Variants in RGS20 observed in about 807,000 individuals in gnomAD.
RGS20 encodes gz-selective GTPase-activating protein.
Under a neutral mutation model 33.6 loss-of-function variants are expected in RGS20, and 30 were observed. The ratio of observed to expected loss-of-function variants is 0.89; its 90% CI spans 0.67 to 1.21. The LOEUF is 1.21. Ranked by LOEUF, RGS20 falls within the 50% of genes most tolerant of loss-of-function variation. The pLI is 0.00. For synonymous variants in RGS20, 208 were observed against 197.9 expected (o/e 1.05, Z -0.43); for missense variants, 472 against 502.4 (o/e 0.94, Z 0.58).
chr8:53,949,943 G>A lies in RGS20; in HGVS notation c.743+3195G>A, dbSNP rs767844973. On this transcript the variant is annotated intron_variant, in intron 4 of 5. Coordinates refer to ENST00000297313, the MANE Select transcript of RGS20 (RefSeq NM_170587.4). ...CAACCTCTGCCTCCTGGGTTCAAGC[G>A]ATTCTCATGCCTTAGCCTCCCAAGT... 2.6e-5 allele frequency among the ~76,000 whole-genome samples: 4 copies of A among 151,286 alleles called. No individual in the cohort carries two copies. The East Asian group carries it at 5.9e-4, about 22-fold the overall frequency.
intron 1 of RGS20, among the ~76,000 whole-genome samples, chr8:53,862,873 T>G (rs970485474): frequency 6.6e-5 from 10 of 152,314 alleles, no homozygotes; most frequent in Admixed American, 1.3e-4. Context: ...GCTTGGTTTA[T>G]CCATCAGAAA....
intron 4 of RGS20, among the ~76,000 whole-genome samples, chr8:53,950,674 G>GCA (rs1814685208): frequency 6.6e-6 from 1 of 151,814 alleles, no homozygotes; most frequent in Non-Finnish European, 1.5e-5. Context: ...GCATGCGGTG[G>GCA]CACGATCTTG....
intron 2 of RGS20, among the ~76,000 whole-genome samples, chr8:53,899,533 CAAGAA>C (rs1403274610): frequency 6.6e-6 from 1 of 152,158 alleles, no homozygotes; most frequent in East Asian, 1.9e-4. Context: ...TTCATCACTC[CAAGAA>C]GAGACCCAGC....
intron 2 of RGS20, among the ~76,000 whole-genome samples, chr8:53,919,791 T>C (rs1343051602): frequency 6.6e-6 from 1 of 152,084 alleles, no homozygotes; most frequent in Non-Finnish European, 1.5e-5. Flanking sequence ...TTGATAGGGA[T>C]TGCATTGAAT....
intron 2 of RGS20, among the ~76,000 whole-genome samples, chr8:53,916,446 G>A (rs1472751944): frequency 6.6e-6 from 1 of 152,096 alleles, no homozygotes; most frequent in Non-Finnish European, 1.5e-5. Context: ...GGTAAAATAT[G>A]CTTTAATAAT....
chr8:53,910,143 T>C (rs1030100457), intron 2 of RGS20, among the ~76,000 whole-genome samples: 1 of 152,160 alleles, frequency 6.6e-6, no homozygotes, highest in South Asian at 2.1e-4. Flanking sequence ...TAAACACCTT[T>C]ACATAAAACA....
chr8:53,862,975 A>ATTTTC lies in RGS20; in HGVS notation c.165+10931_165+10935dup, dbSNP rs537731016. The stretch of plus-strand genomic sequence containing the variant: ...AATCGGGAACCAGAGAGCTCATGAC[A>ATTTTC]TTTTCTTTTCTTTTCTTTTCTTTTG... On this transcript the variant is annotated intron_variant, in intron 1 of 5. Coordinates refer to ENST00000297313, the MANE Select transcript of RGS20 (RefSeq NM_170587.4). 2.6e-3 allele frequency among the ~76,000 whole-genome samples: 388 copies of ATTTTC among 152,002 alleles called. 2 individuals are homozygous for ATTTTC. Among genetic ancestry groups the ATTTTC allele is most frequent in the African/African-American group, 5.9e-3 (245 of 41,444 alleles).
chr8:53,913,568 A>G (rs1180013920), intron 2 of RGS20: 5 of 152,220 alleles, frequency 3.3e-5, no homozygotes, highest in African/African-American at 1.2e-4. Flanking sequence ...GGCGGGCCTG[A>G]AATCCAACGA....
chr8:53,902,106 C>T (rs1813048664), intron 2 of RGS20, among the ~76,000 whole-genome samples: 1 of 152,184 alleles, frequency 6.6e-6, no homozygotes, highest in Non-Finnish European at 1.5e-5. Flanking sequence ...CAACCTCTGC[C>T]TCCTGGACCC....
chr8:53,857,843 C>T (rs1356731790), intron 1 of RGS20, among the ~76,000 whole-genome samples: 1 of 151,902 alleles, frequency 6.6e-6, no homozygotes, highest in Non-Finnish European at 1.5e-5. Context: ...GAATACTTAG[C>T]TTGTAATCAT....
At chr8:53,864,547 A>G (rs1051291963) in intron 1 of RGS20, among the ~76,000 whole-genome samples, 3 of 151,626 alleles carry the variant, frequency 2.0e-5, no homozygotes, top group African/African-American at 7.3e-5. Context: ...TTGGAATCCT[A>G]TGGGCTGGGT....
chr8:53,867,168 T>C (rs1585866576), intron 1 of RGS20, among the ~76,000 whole-genome samples: 1 of 152,044 alleles, frequency 6.6e-6, no homozygotes, highest in African/African-American at 2.4e-5. Context: ...ATTTCACCAG[T>C]GCCTCAGGAG....
chr8:53,876,870 T>C (rs1030397591), intron 1 of RGS20, among the ~76,000 whole-genome samples: 2 of 152,208 alleles, frequency 1.3e-5, no homozygotes, highest in Admixed American at 1.3e-4. Flanking sequence ...ACTTTTATTC[T>C]GTCTGACCAT....
chr8:53,856,588 G>A (rs537610368), intron 1 of RGS20, among the ~76,000 whole-genome samples: 5 of 152,294 alleles, frequency 3.3e-5, no homozygotes, highest in South Asian at 2.1e-4. Context: ...GTGGGAGGGC[G>A]GGTGAACTCT....
intron 1 of RGS20, among the ~76,000 whole-genome samples, chr8:53,868,116 T>C (rs185691671): frequency 4.6e-5 from 7 of 152,344 alleles, no homozygotes; most frequent in Admixed American, 3.3e-4. Flanking sequence ...AGCTAGTACC[T>C]ACAGAGTTCA....
At chr8:53,864,986 C>T (rs530367759) in intron 1 of RGS20, among the ~76,000 whole-genome samples, 3 of 152,278 alleles carry the variant, frequency 2.0e-5, no homozygotes, top group South Asian at 4.1e-4. Context: ...AATCAATGCC[C>T]GCTAACAAGT....
intron 2 of RGS20, among the ~76,000 whole-genome samples, chr8:53,891,852 C>T (rs1178453250): frequency 1.4e-5 from 2 of 146,586 alleles, no homozygotes; most frequent in African/African-American, 2.5e-5. Flanking sequence ...TTTGGTCAGT[C>T]CCTTCATCTA....
intron 1 of RGS20, among the ~76,000 whole-genome samples, chr8:53,871,785 G>A (rs1356211188): frequency 6.6e-6 from 1 of 152,070 alleles, no homozygotes; most frequent in East Asian, 1.9e-4. Flanking sequence ...TTTCCACCTA[G>A]ATATGGTTCA....
rs1247365057 is a variant in RGS20, at chr8:53,877,634, T to G, written c.166-1624T>G. Among the ~76,000 whole-genome samples the G allele has an allele frequency of 1.3e-5, 2 of 152,090 alleles. No individual in the cohort carries two copies. Among genetic ancestry groups the G allele is most frequent in the Admixed American group, 1.3e-4 (2 of 15,276 alleles). ...TCCAGCCCCTAAAATAAAAGCACCT[T>G]GCCAGAGAGCGGGGGAGGGGAGCAG... On this transcript the variant is annotated intron_variant, in intron 1 of 5. Coordinates refer to ENST00000297313, the MANE Select transcript of RGS20 (RefSeq NM_170587.4). This position sits in a 1 kb window ranked among gnomAD's most constrained non-coding sequence, Gnocchi z 5.7.
Sources: gnomAD v4.1 joint callset for allele counts (sites outside exome capture counted in the v4.1 genomes callset) on GRCh38, gnomAD v4.1.1 for gene constraint, Gnocchi (gnomAD v3.1) non-coding constraint, MANE v1.5 for transcripts, NCBI Gene and HGNC (gene_info 2026-07-23, HGNC 2026-07-21) for gene names.